The following ZFP64 variants were observed in gnomAD, a reference collection of about 807,000 sequenced individuals.
ZFP64 encodes the protein zinc finger protein 64.
Under a neutral mutation model 51.6 loss-of-function variants are expected in ZFP64, and 14 were observed. The observed-to-expected ratio is 0.27, with a 90% CI of 0.18 to 0.42. ZFP64 has a LOEUF of 0.42. Among genes scored for constraint, ZFP64 ranks in the 10% least tolerant of loss-of-function variants. The pLI is 1.00. For synonymous variants in ZFP64, 375 were observed against 361.4 expected (o/e 1.04, Z -0.43); for missense variants, 754 against 906.8 (o/e 0.83, Z 2.16).
In ZFP64 at chr20:52,128,742, G is replaced by A. The variant is rs189247897; in HGVS notation, c.764-30155C>T. Among the ~76,000 whole-genome samples, 22 of 152,214 alleles carry A rather than the reference G, an allele frequency of 1.4e-4. No homozygotes were observed. In the East Asian group the frequency reaches 4.1e-3, roughly 28 times the overall value. Reference sequence around the variant, plus strand: ...GCTTGGTCTTCCGTCAGTAACAAGGGCTGATTTCCACCTGGTCTCCCACAG... The same window carrying A: ...GCTTGGTCTTCCGTCAGTAACAAGGACTGATTTCCACCTGGTCTCCCACAG... On this transcript the variant is annotated intron_variant, in intron 5 of 8. Coordinates refer to the ZFP64 transcript ENST00000361387.
chr20:52,143,369 A>C (rs1980369605), intron 5 of ZFP64, among the ~76,000 whole-genome samples: 1 of 143,184 alleles, frequency 7.0e-6, no homozygotes, highest in African/African-American at 2.5e-5. Context: ...GTTTATGGAA[A>C]GAAGGGCATG....
chr20:52,153,549 G>A lies in ZFP64; in HGVS notation c.764-121C>T, dbSNP rs1331039074. 37 of 1,385,318 alleles carry A rather than the reference G, an allele frequency of 2.7e-5. No individual in the cohort carries two copies. The highest frequency in any genetic ancestry group is 2.9e-5 in the African/African-American group (2 of 68,884). The allele number at this position is 1,385,318 out of a possible 1,614,324, so 85.8% of individuals were successfully genotyped here. A position where few individuals can be genotyped will look rare whatever the true frequency, so the allele number is the denominator to read the frequency against. Reference sequence around the variant, plus strand: ...GGTGGGTGCAGACCTCCTAACTGCAGCTTCTAGCAGCCCCTGGCAGTGGGG... The same window carrying A: ...GGTGGGTGCAGACCTCCTAACTGCAACTTCTAGCAGCCCCTGGCAGTGGGG... On this transcript the variant is annotated intron_variant, in intron 5 of 5. Coordinates refer to ENST00000216923, the MANE Select transcript of ZFP64 (RefSeq NM_018197.3). The surrounding 1 kb of genome is among the most constrained non-coding windows in gnomAD (Gnocchi z 5.1).
intron 6 of ZFP64, chr20:52,097,463 T>C: frequency 6.3e-7 from 1 of 1,591,138 alleles, no homozygotes; most frequent in Non-Finnish European, 8.5e-7. Flanking sequence ...ATTTTTTTTT[T>C]TTTTTTTTGG....
At chr20:52,099,324 T>C (rs113415429) in intron 5 of ZFP64, among the ~76,000 whole-genome samples, 1 of 9,382 alleles carries the variant, frequency 1.1e-4, no homozygotes, top group African/African-American at 7.2e-4. Context: ...TCAAACTTTT[T>C]TTTTTTTTTT....
In ZFP64 at chr20:52,160,002, CA is replaced by C; in HGVS notation, c.763+120del. On this transcript the variant is annotated intron_variant, in intron 5 of 5. Transcript: ENST00000216923. This position sits in a 1 kb window ranked among gnomAD's most constrained non-coding sequence, Gnocchi z 4.2. ...CAACAAAAAAAAACAAAACTGCAAA[CA>C]ACGGGATGAGCAAAGGTTCCAACTC... The C allele has an allele frequency of 1.3e-6, 2 of 1,518,622 alleles. No homozygotes were observed. The highest frequency in any genetic ancestry group is 1.8e-6 in the Non-Finnish European group (2 of 1,126,130). 94.1% of individuals were successfully genotyped at this position (1,518,622 alleles called of 1,614,324 possible).
At chr20:52,174,592 C>T (rs1446510603) in intron 2 of ZFP64, among the ~76,000 whole-genome samples, 4 of 151,614 alleles carry the variant, frequency 2.6e-5, no homozygotes, top group African/African-American at 9.7e-5. Context: ...GTTAAAACAT[C>T]TTATCATGTT....
At position 52,152,233 on chromosome 20, in the gene ZFP64, C is replaced by T. The variant is rs1262229294; in HGVS notation, c.1959G>A (p.Gln653=). The change falls in exon 6 of 6, where the codon CAG becomes CAA. Residue 653 remains glutamine (Q), a synonymous_variant. Coordinates refer to ENST00000216923, the MANE Select transcript of ZFP64 (RefSeq NM_018197.3). ...AGTAGGTCTGCTTGGGTAGTTCTTG[C>T]TGGGAAGAGGAGGAGAAGACCGGTG... ...TAPPVFSSSS[Q]QELPKQTYSI... is the part of the protein sequence containing the mutation. The T allele has an allele frequency of 1.2e-6, 2 of 1,614,072 alleles. No individual in the cohort carries two copies. Among genetic ancestry groups the T allele is most frequent in the Non-Finnish European group, 1.7e-6 (2 of 1,180,026 alleles).
At chr20:52,124,503 G>T (rs1979352515) in intron 5 of ZFP64, among the ~76,000 whole-genome samples, 1 of 152,010 alleles carries the variant, frequency 6.6e-6, no homozygotes, top group African/African-American at 2.4e-5. Context: ...ATAGTAACAT[G>T]TGAATGATAA....
At chr20:52,144,025 A>G (rs1182582001) in intron 5 of ZFP64, among the ~76,000 whole-genome samples, 1 of 143,040 alleles carries the variant, frequency 7.0e-6, no homozygotes, top group Non-Finnish European at 1.6e-5. Flanking sequence ...GTAATCATGC[A>G]TTTGTTAATC....
chr20:52,123,878 G>A (rs774349436), intron 5 of ZFP64, among the ~76,000 whole-genome samples: 1 of 150,756 alleles, frequency 6.6e-6, no homozygotes, highest in Non-Finnish European at 1.5e-5. Flanking sequence ...TTCTTTTTTG[G>A]GGGGGGGAGG....
intron 4 of ZFP64, among the ~76,000 whole-genome samples, chr20:52,161,450 C>CTTTTTTTTTTTTTTT (rs11469696): frequency 1.7e-5 from 2 of 115,148 alleles, no homozygotes; most frequent in African/African-American, 3.3e-5. Context: ...TGATTGCTTT[C>CTTTTTTTTTTTTTTT]TTTTTTTTTT....
At chr20:52,136,709 T>C (rs1290692927) in intron 5 of ZFP64, among the ~76,000 whole-genome samples, 3 of 152,198 alleles carry the variant, frequency 2.0e-5, no homozygotes, top group Non-Finnish European at 4.4e-5. Flanking sequence ...CTTGCTTATA[T>C]TTAATAACTG....
At chr20:52,116,361 C>T (rs1350228704) in intron 5 of ZFP64, among the ~76,000 whole-genome samples, 2 of 151,832 alleles carry the variant, frequency 1.3e-5, no homozygotes, top group Non-Finnish European at 2.9e-5. Context: ...GTCTCGAACT[C>T]CTGACCTCAG....
chr20:52,105,056 C>CCG (rs1331022047), intron 5 of ZFP64: 1 of 1,390,648 alleles, frequency 7.2e-7, no homozygotes, highest in Non-Finnish European at 9.3e-7. Flanking sequence ...GCCCGGTCCT[C>CCG]GTACCCGCGC....
intron 5 of ZFP64, among the ~76,000 whole-genome samples, chr20:52,118,152 A>C (rs1050934730): frequency 1.3e-5 from 2 of 152,134 alleles, no homozygotes; most frequent in Admixed American, 6.6e-5. Context: ...GCACAAACTC[A>C]GTTGAAAAGG....
Position 52,160,207 on chromosome 20 carries a change from C to T in ZFP64, c.679G>A (p.Asp227Asn), listed in dbSNP as rs1020966576. ...ATCTGGCATTTGAAGGGCCGCTCGT[C>T]CGAGTGGATCCTCAGGTGCTTGTTG... ...SLNKHLRIHS[D>N]ERPFKCQICP... The change falls in exon 5 of 6, where the codon GAC becomes AAC. Residue 227 changes from aspartate (D) to asparagine (N), a missense_variant. Asp to Asn is a conservative substitution (Grantham distance 23). Around this residue, in one of 3 missense-constraint regions of ZFP64, gnomAD observed 231 missense variants for 336.7 expected, o/e 0.69. Transcript: ENST00000216923. This position sits in a 1 kb window ranked among gnomAD's most constrained non-coding sequence, Gnocchi z 4.2. The T allele has an allele frequency of 1.2e-5, 19 of 1,614,182 alleles. No homozygotes were observed. The highest frequency in any genetic ancestry group is 1.5e-5 in the Non-Finnish European group (18 of 1,180,030).
intron 5 of ZFP64, among the ~76,000 whole-genome samples, chr20:52,133,478 A>C (rs1979821258): frequency 6.6e-6 from 1 of 152,102 alleles, no homozygotes; most frequent in Non-Finnish European, 1.5e-5. Context: ...ACACAGAAAA[A>C]TACTATTAGA....
At chr20:52,164,453 G>A (rs1982075555) in intron 4 of ZFP64, among the ~76,000 whole-genome samples, 1 of 152,152 alleles carries the variant, frequency 6.6e-6, no homozygotes, top group Admixed American at 6.5e-5. Flanking sequence ...GGCTGTAACA[G>A]TTCACATTCC....
At chr20:52,188,376 G>A (rs1257432531) in intron 1 of ZFP64, among the ~76,000 whole-genome samples, 1 of 135,698 alleles carries the variant, frequency 7.4e-6, no homozygotes, top group Non-Finnish European at 1.5e-5. Context: ...GTGCAGTGGT[G>A]CGATCTCGGC....
Sources: allele counts gnomAD v4.1 joint callset (sites outside exome capture counted in the v4.1 genomes callset), GRCh38; gene constraint gnomAD v4.1.1; regional missense constraint gnomAD v4.1.1; non-coding constraint Gnocchi (gnomAD v3.1); transcripts MANE v1.5; gene names NCBI Gene and HGNC (gene_info 2026-07-23, HGNC 2026-07-21).